Variants in GRIK2 observed in about 807,000 individuals in gnomAD.
GRIK2 encodes glutamate receptor ionotropic, kainate 2.
Under a neutral mutation model 100.3 loss-of-function variants are expected in GRIK2, and 32 were observed. The observed-to-expected ratio is 0.32, with a 90% CI of 0.24 to 0.43. The LOEUF (loss-of-function observed/expected upper bound fraction) is 0.43. Ranked by LOEUF, GRIK2 falls within the 20% of genes least tolerant of loss-of-function variation. The probability of loss-of-function intolerance (pLI) is 1.00; values close to 1 mark genes in which losing one functional copy is unlikely to be tolerated. For synonymous variants in GRIK2, 417 were observed against 389.4 expected (o/e 1.07, Z -0.83); for missense variants, 843 against 1,114.9 (o/e 0.76, Z 3.47).
chr6:101,706,855 A>G lies in GRIK2; in HGVS notation c.951+20502A>G, dbSNP rs73764506. ...CCTGCTGAACACAGTGGTGTATGCAAAGGTGCAGATGCTAGAGGCTGTCCT... is the reference window on the plus strand; with the variant it reads ...CCTGCTGAACACAGTGGTGTATGCAGAGGTGCAGATGCTAGAGGCTGTCCT... On this transcript the variant is annotated intron_variant, in intron 7 of 16. Transcript: ENST00000369134. Among the ~76,000 whole-genome samples, 1,389 of 152,010 alleles carry G rather than the reference A, an allele frequency of 9.1e-3. 16 individuals carry two copies. Among genetic ancestry groups the G allele is most frequent in the African/African-American group, 0.031 (1,302 of 41,498 alleles).
intron 2 of GRIK2, among the ~76,000 whole-genome samples, chr6:101,467,100 T>C (rs939218792): frequency 6.6e-6 from 1 of 152,200 alleles, no homozygotes; most frequent in Non-Finnish European, 1.5e-5. Flanking sequence ...TATACCCTTT[T>C]CCAGCAACAG....
chr6:101,841,555 G>T (rs546549869), intron 10 of GRIK2, among the ~76,000 whole-genome samples: 35 of 152,038 alleles, frequency 2.3e-4, no homozygotes, highest in African/African-American at 8.4e-4. Context: ...GTAGAGATGG[G>T]GGTTTGCCAT....
At chr6:101,745,937 C>T (rs1031770011) in intron 7 of GRIK2, among the ~76,000 whole-genome samples, 2 of 152,242 alleles carry the variant, frequency 1.3e-5, no homozygotes, top group South Asian at 2.1e-4. Context: ...CCACAATTCT[C>T]GTCTCCTAAC....
chr6:102,015,880 A>G (rs759923110), intron 14 of GRIK2, among the ~76,000 whole-genome samples: 5 of 152,200 alleles, frequency 3.3e-5, no homozygotes, highest in Non-Finnish European at 7.3e-5. Flanking sequence ...AATCCAGTCC[A>G]GGAGTCCTGA....
chr6:102,046,452 G>A (rs1770892109), intron 15 of GRIK2, among the ~76,000 whole-genome samples: 1 of 151,956 alleles, frequency 6.6e-6, no homozygotes. Flanking sequence ...TAGTGAGTGA[G>A]TGCTCACGAG....
chr6:101,622,052 T>A lies in GRIK2; in HGVS notation c.219T>A (p.Asn73Lys). 6.2e-7 allele frequency: 1 copy of A among 1,603,126 alleles called. No homozygotes were observed. The highest frequency in any genetic ancestry group is 2.2e-5 in the East Asian group (1 of 44,736). The stretch of plus-strand genomic sequence containing the variant: ...ACAGAAACAGAACATTGCTACCCAA[T>A]ACTACCCTTACCTATGATACCCAGA... ...TINRNRTLLP[N>K]TTLTYDTQKI... The change falls in exon 3 of 17, where the codon AAT becomes AAA. Residue 73 changes from asparagine (N) to lysine (K), a missense_variant. Asn to Lys is a moderately conservative substitution (Grantham distance 94). Transcript: ENST00000369134.
intron 11 of GRIK2, among the ~76,000 whole-genome samples, chr6:101,876,417 C>T (rs1304002633): frequency 6.6e-6 from 1 of 151,408 alleles, no homozygotes; most frequent in Non-Finnish European, 1.5e-5. Flanking sequence ...CTTAAGAACC[C>T]AGATCTAATT....
At chr6:101,749,211 C>T (rs1315424508) in intron 7 of GRIK2, among the ~76,000 whole-genome samples, 4 of 152,010 alleles carry the variant, frequency 2.6e-5, no homozygotes, top group Admixed American at 6.6e-5. Flanking sequence ...TGGGTTCAAG[C>T]GATTCTCCGG....
chr6:101,676,744 C>A lies in GRIK2; in HGVS notation c.663C>A (p.Gly221=). 2 of 1,608,102 alleles carry A rather than the reference C, an allele frequency of 1.2e-6. No individual in the cohort carries two copies. Among genetic ancestry groups the A allele is most frequent in the Non-Finnish European group, 1.7e-6 (2 of 1,176,386 alleles). Residue 221 remains glycine (G), a synonymous_variant, in exon 5 of 17, where the codon GGC becomes GGA. Coordinates refer to ENST00000369134, the MANE Select transcript of GRIK2 (RefSeq NM_021956.5). The stretch of plus-strand genomic sequence containing the variant: ...CCTTACTAAAAGAAATGAAAAGAGG[C>A]AAGGAGTTTCATGTAATCTTTGATT... ...AKPLLKEMKR[G]KEFHVIFDCS... is the part of the protein sequence containing the mutation.
At chr6:101,522,022 G>C (rs1436166140) in intron 2 of GRIK2, among the ~76,000 whole-genome samples, 1 of 151,942 alleles carries the variant, frequency 6.6e-6, no homozygotes, top group African/African-American at 2.4e-5. Flanking sequence ...AAGGTATTAT[G>C]GAGATACTTT....
intron 2 of GRIK2, among the ~76,000 whole-genome samples, chr6:101,599,711 T>G (rs1300580265): frequency 6.6e-6 from 1 of 151,844 alleles, no homozygotes; most frequent in African/African-American, 2.4e-5. Flanking sequence ...TGTCTTCTTT[T>G]GAAAATTGTT....
At chr6:101,458,718 G>C (rs558398158) in intron 2 of GRIK2, among the ~76,000 whole-genome samples, 1 of 152,104 alleles carries the variant, frequency 6.6e-6, no homozygotes, top group South Asian at 2.1e-4. Flanking sequence ...CAGCAAGAAG[G>C]GGGTACATTG....
At chr6:101,405,969 G>C (rs946183490) in intron 2 of GRIK2, among the ~76,000 whole-genome samples, 2 of 152,184 alleles carry the variant, frequency 1.3e-5, no homozygotes, top group African/African-American at 2.4e-5. Flanking sequence ...CAGCAGGTGA[G>C]GGGGGATGTG....
intron 4 of GRIK2, among the ~76,000 whole-genome samples, chr6:101,651,374 A>G (rs1164933903): frequency 6.6e-6 from 1 of 152,118 alleles, no homozygotes; most frequent in African/African-American, 2.4e-5. Context: ...AGCTCTTACC[A>G]TGTGTTAGAC....
chr6:101,884,586 T>A (rs1786486924), intron 11 of GRIK2, among the ~76,000 whole-genome samples: 1 of 152,158 alleles, frequency 6.6e-6, no homozygotes, highest in African/African-American at 2.4e-5. Context: ...ATTTTTACCA[T>A]TGCTTTATAA....
intron 7 of GRIK2, among the ~76,000 whole-genome samples, chr6:101,781,548 T>C (rs1185902462): frequency 6.6e-6 from 1 of 152,166 alleles, no homozygotes; most frequent in Non-Finnish European, 1.5e-5. Flanking sequence ...TACATACATA[T>C]ACACATATGC....
At chr6:101,800,204 A>C (rs1359319389) in intron 8 of GRIK2, among the ~76,000 whole-genome samples, 5 of 151,958 alleles carry the variant, frequency 3.3e-5, no homozygotes, top group African/African-American at 1.2e-4. Context: ...ATGTCTAGTT[A>C]TTTAAATTAT....
At chr6:101,662,368 G>C (rs1769692516) in intron 4 of GRIK2, among the ~76,000 whole-genome samples, 1 of 152,158 alleles carries the variant, frequency 6.6e-6, no homozygotes, top group African/African-American at 2.4e-5. Context: ...TGTTTCTAAG[G>C]ACTTACTGAA....
chr6:101,705,813 A>G (rs1423932924), intron 7 of GRIK2, among the ~76,000 whole-genome samples: 1 of 151,924 alleles, frequency 6.6e-6, no homozygotes, highest in African/African-American at 2.4e-5. Context: ...ATACTTTAAA[A>G]TGTTGAACAT....
Sources: gnomAD v4.1 joint callset for allele counts (sites outside exome capture counted in the v4.1 genomes callset) on GRCh38, gnomAD v4.1.1 for gene constraint, MANE v1.5 for transcripts, NCBI Gene and HGNC (gene_info 2026-07-23, HGNC 2026-07-21) for gene names.